The following CLDN16 variants were observed in gnomAD, a reference collection of about 807,000 sequenced individuals.
The protein encoded by CLDN16 is claudin-16.
In CLDN16, 13 loss-of-function variants were observed where a neutral mutation model predicts 24.6. That is an observed-to-expected ratio of 0.53 (90% CI 0.34 to 0.84). CLDN16 has a LOEUF of 0.84. CLDN16 is among the 40% of genes least tolerant of loss of function. The pLI, the probability that CLDN16 is intolerant of heterozygous loss-of-function variation, is 0.01. For synonymous variants in CLDN16, 116 were observed against 106.7 expected (o/e 1.09, Z -0.54); for missense variants, 298 against 292.7 (o/e 1.02, Z -0.13).
chr3:190,396,001 A>C lies in CLDN16; in HGVS notation c.115-6336A>C, dbSNP rs552465063. Among the ~76,000 whole-genome samples the C allele has an allele frequency of 3.9e-5, 6 of 152,262 alleles. No homozygotes were observed. In the South Asian group the frequency reaches 1.2e-3, roughly 32 times the overall value. ...TGTCTCTAATTCTCAAGTATTTTTT[A>C]GTGTTTCTAATTCTCAAAAGATACA... On this transcript the variant is annotated intron_variant, in intron 1 of 4. Transcript: ENST00000264734.
At chr3:190,395,598 A>C (rs1299275124) in intron 1 of CLDN16, among the ~76,000 whole-genome samples, 1 of 152,108 alleles carries the variant, frequency 6.6e-6, no homozygotes, top group Non-Finnish European at 1.5e-5. Flanking sequence ...GTCTTAATAA[A>C]TATAAGTAAG....
rs755455995 is a variant in CLDN16 at position 190,402,452 on chromosome 3, T to A, written c.217+13T>A. 7 of 1,575,642 alleles carry A rather than the reference T, an allele frequency of 4.4e-6. No individual in the cohort carries two copies. Among genetic ancestry groups the A allele is most frequent in the Non-Finnish European group, 6.1e-6 (7 of 1,145,098 alleles). On this transcript the variant is annotated intron_variant, in intron 2 of 4. Transcript: ENST00000264734. ...GCGGAGCATCCCTGTACGTATGCCT[T>A]AGAGCTCACTGCTTGCCAGGAAGGG...
chr3:190,293,474 C>A, the CLDN16 span, among the ~76,000 whole-genome samples: 1 of 152,058 alleles, frequency 6.6e-6, no homozygotes, highest in Non-Finnish European at 1.5e-5. Context: ...TGGTTTTGAG[C>A]AGAAGGGAAA....
At chr3:190,321,900 A>C, upstream of CLDN16, 4 of 979,494 alleles carry the variant, frequency 4.1e-6, no homozygotes, top group South Asian at 2.7e-5. Context: ...TAACCATGGA[A>C]TCACACAACA....
At chr3:190,342,252 G>A (rs745650165) in intron 1 of CLDN16, among the ~76,000 whole-genome samples, 1 of 152,014 alleles carries the variant, frequency 6.6e-6, no homozygotes, top group Non-Finnish European at 1.5e-5. Flanking sequence ...ACCTGAGACT[G>A]GGCAATTTAC....
At chr3:190,397,476 C>T (rs1718849506) in intron 1 of CLDN16, among the ~76,000 whole-genome samples, 1 of 152,114 alleles carries the variant, frequency 6.6e-6, no homozygotes, top group African/African-American at 2.4e-5. Flanking sequence ...AGAACCCTGT[C>T]TTAAAATTTT....
intron 1 of CLDN16, among the ~76,000 whole-genome samples, chr3:190,391,273 G>T (rs566502871): frequency 1.3e-5 from 2 of 148,846 alleles, no homozygotes; most frequent in Admixed American, 6.7e-5. Context: ...AGAGTTTTGT[G>T]GTTCAATTCA....
intron 1 of CLDN16, among the ~76,000 whole-genome samples, chr3:190,334,588 T>A (rs1465278158): frequency 6.6e-6 from 1 of 152,250 alleles, no homozygotes; most frequent in Non-Finnish European, 1.5e-5. Flanking sequence ...ATAGTCTCTC[T>A]TGCTCTCTGG....
chr3:190,380,273 C>CCTTCCTTCCTTCCTTCCTTTCTTCCT (rs1718343040), intron 3 of CLDN16, among the ~76,000 whole-genome samples: 2 of 97,146 alleles, frequency 2.1e-5, no homozygotes, highest in Non-Finnish European at 3.8e-5. Context: ...TTCCTTCCTT[C>CCTTCCTTCCTTCCTTCCTTTCTTCCT]TGTTTTTTGG....
chr3:190,312,857 C>G, the CLDN16 span: 1 of 1,613,662 alleles, frequency 6.2e-7, no homozygotes, highest in Non-Finnish European at 8.5e-7. Flanking sequence ...GAAAGGGGGG[C>G]ACAGCCTCTA....
At chr3:190,373,212 C>T (rs6762025) in intron 2 of CLDN16, among the ~76,000 whole-genome samples, 30,453 of 150,276 alleles carry the variant, frequency 0.2, 3,531 homozygotes, top group East Asian at 0.45. Context: ...ATTTTTCTAA[C>T]ATAATAAATA....
At chr3:190,366,167 G>A (rs11918057) in intron 1 of CLDN16, among the ~76,000 whole-genome samples, 134,642 of 151,934 alleles carry the variant, frequency 0.89, 59,682 homozygotes, top group East Asian at 0.94. Flanking sequence ...TTTGTATGCC[G>A]CCTCTGACAT....
At chr3:190,308,362 C>G in the CLDN16 span, 1 of 1,613,826 alleles carries the variant, frequency 6.2e-7, no homozygotes, top group South Asian at 1.1e-5. Flanking sequence ...GGGACAGGAA[C>G]AGCAAAGTAG....
intron 1 of CLDN16, among the ~76,000 whole-genome samples, chr3:190,352,145 T>TG (rs1717683991): frequency 6.6e-6 from 1 of 151,964 alleles, no homozygotes. Flanking sequence ...GAAAAAGTTT[T>TG]TTTTTTTTTA....
chr3:190,355,306 C>A lies in CLDN16; in HGVS notation n.122-15587C>A, dbSNP rs552353722. ...TTTTTTTAATATATTCTAATTCACA[C>A]CAAAATATTGATTTCTGTGACTTTT... On this transcript the variant is annotated intron_variant and non_coding_transcript_variant, in intron 1 of 4. Coordinates refer to the CLDN16 transcript ENST00000468220. Among the ~76,000 whole-genome samples the A allele has an allele frequency of 3.9e-5, 6 of 151,928 alleles. No individual in the cohort carries two copies. In the East Asian group the frequency reaches 7.7e-4, roughly 20 times the overall value.
chr3:190,315,270 A>T, the CLDN16 span, among the ~76,000 whole-genome samples: 1 of 152,158 alleles, frequency 6.6e-6, no homozygotes, highest in African/African-American at 2.4e-5. Context: ...GAAACCACAT[A>T]TCTCAGTTTG....
intron 2 of CLDN16, among the ~76,000 whole-genome samples, chr3:190,373,409 AATTTTATG>A (rs1718183536): frequency 6.6e-6 from 1 of 151,888 alleles, no homozygotes; most frequent in African/African-American, 2.4e-5. Flanking sequence ...AAGAACATAT[AATTTTATG>A]AGTAACTCAT....
intron 1 of CLDN16, among the ~76,000 whole-genome samples, chr3:190,390,040 T>C (rs987353155): frequency 6.6e-6 from 1 of 152,234 alleles, no homozygotes; most frequent in Admixed American, 6.5e-5. Context: ...TAAAGTGTCT[T>C]CTTTCATTTT....
the CLDN16 span, among the ~76,000 whole-genome samples, chr3:190,298,168 A>G: frequency 6.6e-6 from 1 of 152,220 alleles, no homozygotes; most frequent in African/African-American, 2.4e-5. Flanking sequence ...CATAATAGTT[A>G]TATAATGAAT....
Sources: allele counts gnomAD v4.1 joint callset (sites outside exome capture counted in the v4.1 genomes callset), GRCh38; gene constraint gnomAD v4.1.1; transcripts MANE v1.5; gene names NCBI Gene and HGNC (gene_info 2026-07-23, HGNC 2026-07-21).